The following DACH1 variants were observed in gnomAD, a reference collection of about 807,000 sequenced individuals.
DACH1 encodes dachshund family transcription factor 1.
Under a neutral mutation model 54.2 loss-of-function variants are expected in DACH1, and 12 were observed. The ratio of observed to expected loss-of-function variants is 0.22; its 90% confidence interval spans 0.14 to 0.36. The LOEUF is 0.36. DACH1 is among the 10% of genes least tolerant of loss of function. DACH1 has a pLI of 1.00. For synonymous variants in DACH1, 386 were observed against 366.2 expected (o/e 1.05, Z -0.62); for missense variants, 805 against 929.8 (o/e 0.87, Z 1.75).
intron 1 of DACH1, among the ~76,000 whole-genome samples, chr13:71,792,711 C>G (rs1245263032): frequency 6.6e-6 from 1 of 152,156 alleles, no homozygotes; most frequent in African/African-American, 2.4e-5. Context: ...GGCATATACT[C>G]TTAGTGGTGG....
At chr13:71,696,472 C>A (rs898520017) in intron 1 of DACH1, among the ~76,000 whole-genome samples, 6 of 151,940 alleles carry the variant, frequency 3.9e-5, no homozygotes, top group African/African-American at 9.7e-5. Context: ...AATTGCCATG[C>A]TAATCATAAA....
chr13:71,779,861 C>T (rs540459903), intron 1 of DACH1, among the ~76,000 whole-genome samples: 25 of 152,180 alleles, frequency 1.6e-4, no homozygotes, highest in Non-Finnish European at 2.9e-4. Flanking sequence ...TTTGGACTCA[C>T]CACAGAGAAT....
intron 3 of DACH1, among the ~76,000 whole-genome samples, chr13:71,604,319 A>C (rs1874723235): frequency 6.6e-6 from 1 of 152,000 alleles, no homozygotes; most frequent in Non-Finnish European, 1.5e-5. Flanking sequence ...CAAGTGATTA[A>C]GTAAAAATGA....
chr13:71,825,359 A>G (rs1284281919), intron 1 of DACH1, among the ~76,000 whole-genome samples: 2 of 152,110 alleles, frequency 1.3e-5, no homozygotes, highest in Non-Finnish European at 2.9e-5. Flanking sequence ...ACAGTATGCA[A>G]TTCAATGATG....
intron 2 of DACH1, among the ~76,000 whole-genome samples, chr13:71,663,031 T>C (rs1297866565): frequency 6.6e-6 from 1 of 151,842 alleles, no homozygotes; most frequent in African/African-American, 2.4e-5. Context: ...AATTTTGAAA[T>C]AGTTATGAAT....
chr13:71,537,782 G>A (rs1487627881), intron 6 of DACH1, among the ~76,000 whole-genome samples: 2 of 151,934 alleles, frequency 1.3e-5, no homozygotes, highest in South Asian at 4.2e-4. Flanking sequence ...CTTGTTGTCT[G>A]TATTTCCAAT....
intron 3 of DACH1, among the ~76,000 whole-genome samples, chr13:71,620,007 C>T (rs1876102334): frequency 6.6e-6 from 1 of 151,780 alleles, no homozygotes; most frequent in Non-Finnish European, 1.5e-5. Context: ...GTTTTTAAAA[C>T]TGGTAACTGT....
chr13:71,574,807 T>C (rs1885431421), intron 3 of DACH1, among the ~76,000 whole-genome samples: 1 of 152,048 alleles, frequency 6.6e-6, no homozygotes, highest in South Asian at 2.1e-4. Flanking sequence ...AAAAAGTTTA[T>C]AGCTTCATAC....
At chr13:71,621,838 A>C (rs1876261485) in intron 3 of DACH1, among the ~76,000 whole-genome samples, 1 of 151,990 alleles carries the variant, frequency 6.6e-6, no homozygotes, top group Non-Finnish European at 1.5e-5. Context: ...CTAATTCAAA[A>C]CTGTTGAAAA....
chr13:71,684,376 G>A (rs992111671), intron 1 of DACH1, among the ~76,000 whole-genome samples: 2 of 152,086 alleles, frequency 1.3e-5, no homozygotes, highest in African/African-American at 4.8e-5. Context: ...GTCCCTGACG[G>A]CTTTTCCAAT....
chr13:71,693,442 A>G (rs990220936), intron 1 of DACH1, among the ~76,000 whole-genome samples: 2 of 144,700 alleles, frequency 1.4e-5, no homozygotes, highest in African/African-American at 5.3e-5. Context: ...AGCTGGGACT[A>G]TAGGTGCTCA....
At chr13:71,469,687 A>T (rs1180080510) in intron 10 of DACH1, among the ~76,000 whole-genome samples, 3 of 152,218 alleles carry the variant, frequency 2.0e-5, no homozygotes. Context: ...GTTACATAAA[A>T]GTGTGCTTGG....
At chr13:71,560,733 T>C (rs951937134) in intron 4 of DACH1, among the ~76,000 whole-genome samples, 1 of 152,192 alleles carries the variant, frequency 6.6e-6, no homozygotes, top group Non-Finnish European at 1.5e-5. Flanking sequence ...GTAGATTCTA[T>C]AAATGTCTCC....
At chr13:71,643,145 G>A (rs1049449880) in intron 2 of DACH1, among the ~76,000 whole-genome samples, 1 of 152,116 alleles carries the variant, frequency 6.6e-6, no homozygotes, top group African/African-American at 2.4e-5. Context: ...GGCACATAAT[G>A]TGATTAGAAA....
At chr13:71,825,441 A>T (rs1322638598) in intron 1 of DACH1, among the ~76,000 whole-genome samples, 1 of 152,112 alleles carries the variant, frequency 6.6e-6, no homozygotes, top group Non-Finnish European at 1.5e-5. Flanking sequence ...AAAAGAAACC[A>T]CATACTTATT....
intron 2 of DACH1, among the ~76,000 whole-genome samples, chr13:71,667,656 G>A (rs930577867): frequency 1.3e-5 from 2 of 152,124 alleles, no homozygotes; most frequent in African/African-American, 4.8e-5. Context: ...AATCCATGCC[G>A]AGAAAGCAAT....
intron 1 of DACH1, among the ~76,000 whole-genome samples, chr13:71,818,516 A>T (rs917930537): frequency 3.3e-5 from 5 of 152,176 alleles, no homozygotes. Flanking sequence ...TGTTGTGAGA[A>T]GTCACTGTAG....
chr13:71,635,549 A>C (rs1052819891), intron 2 of DACH1, among the ~76,000 whole-genome samples: 1 of 152,238 alleles, frequency 6.6e-6, no homozygotes, highest in African/African-American at 2.4e-5. Flanking sequence ...TCTTTGGTCT[A>C]TACTAAATAG....
At chr13:71,738,107 T>C (rs1177732832) in intron 1 of DACH1, among the ~76,000 whole-genome samples, 1 of 152,182 alleles carries the variant, frequency 6.6e-6, no homozygotes, top group African/African-American at 2.4e-5. Flanking sequence ...AGTTATTTGA[T>C]ATTTTAAGAA....
Sources: allele counts gnomAD v4.1 joint callset (sites outside exome capture counted in the v4.1 genomes callset), GRCh38; gene constraint gnomAD v4.1.1; transcripts MANE v1.5; gene names NCBI Gene and HGNC (gene_info 2026-07-23, HGNC 2026-07-21).